Variants in SHC3 observed in about 807,000 individuals in gnomAD.
SHC3 encodes SHC adaptor protein 3, also known as SHC-transforming protein 3.
A neutral mutation model predicts 60.4 loss-of-function variants in SHC3; 15 were observed. The ratio of observed to expected loss-of-function variants is 0.25; its 90% CI spans 0.17 to 0.38. SHC3 has a LOEUF of 0.38. Ranked by LOEUF, SHC3 falls within the 10% of genes least tolerant of loss-of-function variation. The probability of loss-of-function intolerance (pLI) is 1.00; values close to 1 mark genes in which losing one functional copy is unlikely to be tolerated. For synonymous variants in SHC3, 294 were observed against 325.9 expected, an observed-to-expected ratio of 0.90 and a Z score of 1.05; for missense variants, 677 against 786.1, an observed-to-expected ratio of 0.86 and a Z score of 1.66.
At chr9:89,149,131 T>C (rs1826510054) in intron 1 of SHC3, among the ~76,000 whole-genome samples, 1 of 152,182 alleles carries the variant, frequency 6.6e-6, no homozygotes, top group African/African-American at 2.4e-5. Flanking sequence ...CAAAGCAAGT[T>C]AGACATGCTG....
chr9:89,132,445 T>C (rs1468222310), intron 1 of SHC3, among the ~76,000 whole-genome samples: 1 of 152,186 alleles, frequency 6.6e-6, no homozygotes, highest in Non-Finnish European at 1.5e-5. Context: ...AGAGCCTGCA[T>C]TGCCAAGACA....
At chr9:89,177,051 G>T (rs926067108) in intron 1 of SHC3, among the ~76,000 whole-genome samples, 1 of 152,162 alleles carries the variant, frequency 6.6e-6, no homozygotes, top group African/African-American at 2.4e-5. Context: ...GCCTTGGAGT[G>T]GCAGGATTGA....
At chr9:89,095,286 A>C (rs1300011313) in intron 2 of SHC3, among the ~76,000 whole-genome samples, 1 of 152,232 alleles carries the variant, frequency 6.6e-6, no homozygotes, top group Non-Finnish European at 1.5e-5. Context: ...AAAGGAAGGA[A>C]ATTCTGACAC....
At chr9:89,038,326 C>G in intron 10 of SHC3, 38 bp from the exon 11 acceptor site, 1 of 1,471,058 alleles carries the variant, frequency 6.8e-7, no homozygotes, top group Non-Finnish European at 9.1e-7. Context: ...AAGTCAATCC[C>G]AAGAAGAGCA....
chr9:89,075,080 A>G, intron 4 of SHC3, 29 bp downstream of exon 4: 1 of 1,610,176 alleles, frequency 6.2e-7, no homozygotes. Context: ...GGCTGTGGGC[A>G]GGGACAGGGG....
intron 11 of SHC3, 138 bp from the exon 12 acceptor site, chr9:89,013,713 G>A: frequency 7.9e-7 from 1 of 1,270,460 alleles, no homozygotes; most frequent in Non-Finnish European, 1.1e-6. Context: ...CACCACTTTA[G>A]AGATGCTGTC....
At chr9:89,170,460 G>A (rs1295103540) in intron 1 of SHC3, among the ~76,000 whole-genome samples, 1 of 152,148 alleles carries the variant, frequency 6.6e-6, no homozygotes, top group African/African-American at 2.4e-5. Context: ...AGTCTGGGCA[G>A]CATAGGGAAG....
intron 6 of SHC3, among the ~76,000 whole-genome samples, chr9:89,063,287 G>A (rs1280465831): frequency 6.6e-6 from 1 of 152,114 alleles, no homozygotes; most frequent in Non-Finnish European, 1.5e-5. Context: ...GCACCACCAC[G>A]CCCAGCTAAT....
chr9:89,119,455 T>C (rs1826060743), intron 1 of SHC3, among the ~76,000 whole-genome samples: 1 of 152,044 alleles, frequency 6.6e-6, no homozygotes, highest in South Asian at 2.1e-4. Flanking sequence ...AAATACTAGA[T>C]ATATAAAACA....
At chr9:89,035,844 T>C (rs1415593527) in intron 11 of SHC3, among the ~76,000 whole-genome samples, 1 of 103,892 alleles carries the variant, frequency 9.6e-6, no homozygotes, top group African/African-American at 3.9e-5. Flanking sequence ...TATATATATA[T>C]ATATAGATGT....
Position 89,178,556 on chromosome 9 carries a change from C to A in SHC3, c.-96G>T. 3 of 1,254,392 alleles carry A rather than the reference C, an allele frequency of 2.4e-6. No homozygotes were observed. Among genetic ancestry groups the A allele is most frequent in the Non-Finnish European group, 3.2e-6 (3 of 946,012 alleles). 77.7% of individuals were successfully genotyped at this position (1,254,392 alleles called of 1,614,324 possible). A position where few individuals can be genotyped will look rare whatever the true frequency, so the allele number is the denominator to read the frequency against. ...AGCAGGCGAGCCACTGTCCCCGGAG[C>A]GGGACGGAGAGTGGGGGCCCCGGGA... On this transcript the variant is annotated 5_prime_UTR_variant, in exon 1 of 12. Transcript: ENST00000375835. The surrounding 1 kb of genome is among the most constrained non-coding windows in gnomAD (Gnocchi z 6.9).
At chr9:89,130,868 A>G (rs576823688) in intron 1 of SHC3, among the ~76,000 whole-genome samples, 50 of 152,294 alleles carry the variant, frequency 3.3e-4, no homozygotes, top group Non-Finnish European at 5.9e-4. Context: ...AAGAGCAAAC[A>G]CATTCAAAAG....
intron 2 of SHC3, among the ~76,000 whole-genome samples, chr9:89,084,133 A>G (rs1825490146): frequency 6.6e-6 from 1 of 152,206 alleles, no homozygotes; most frequent in Non-Finnish European, 1.5e-5. Context: ...TGTATGTTGC[A>G]GACATAACAA....
At chr9:89,077,946 G>A (rs756638174) in intron 2 of SHC3, 43 bp from the exon 3 acceptor site, 1 of 1,608,636 alleles carries the variant, frequency 6.2e-7, no homozygotes, top group Non-Finnish European at 8.5e-7. Flanking sequence ...GTGTCAGTCG[G>A]GATTATGGAA....
chr9:89,107,564 A>G (rs1825881457), intron 2 of SHC3, among the ~76,000 whole-genome samples: 1 of 152,246 alleles, frequency 6.6e-6, no homozygotes, highest in Admixed American at 6.5e-5. Flanking sequence ...CTAAACCAGG[A>G]CAGCATCAAC....
chr9:89,156,675 A>T (rs544215982), intron 1 of SHC3, among the ~76,000 whole-genome samples: 41 of 152,228 alleles, frequency 2.7e-4, no homozygotes, highest in African/African-American at 9.6e-4. Context: ...TTTTCCAGAA[A>T]CCTAGACCCC....
chr9:89,070,323 G>T (rs944176934), intron 5 of SHC3, among the ~76,000 whole-genome samples: 22 of 152,188 alleles, frequency 1.4e-4, no homozygotes, highest in Non-Finnish European at 2.4e-4. Context: ...TCCGGAGGGT[G>T]AGCCTTCTTC....
chr9:89,082,306 C>A (rs1297417490), intron 2 of SHC3, among the ~76,000 whole-genome samples: 1 of 152,144 alleles, frequency 6.6e-6, no homozygotes, highest in African/African-American at 2.4e-5. Context: ...AGGGAAGCTC[C>A]AGCTTCTTGC....
chr9:89,064,662 AT>A (rs1825147357), intron 6 of SHC3, among the ~76,000 whole-genome samples: 1 of 152,104 alleles, frequency 6.6e-6, no homozygotes, highest in Non-Finnish European at 1.5e-5. Context: ...ATGATTCTCC[AT>A]AAGGCCGCAT....
Sources: allele counts gnomAD v4.1 joint callset (sites outside exome capture counted in the v4.1 genomes callset), GRCh38; gene constraint gnomAD v4.1.1; non-coding constraint Gnocchi (gnomAD v3.1); transcripts MANE v1.5; gene names NCBI Gene and HGNC (gene_info 2026-07-23, HGNC 2026-07-21).